Variants in DAO observed in about 807,000 individuals in gnomAD.
The protein encoded by DAO is D-amino-acid oxidase.
A neutral mutation model predicts 50.1 loss-of-function variants in DAO; 51 were observed. The ratio of observed to expected loss-of-function variants is 1.02; its 90% confidence interval spans 0.81 to 1.29. The LOEUF is 1.29. DAO is among the 50% of genes most tolerant of loss of function. The pLI, the probability that DAO is intolerant of heterozygous loss-of-function variation, is 0.00. For synonymous variants in DAO, 160 were observed against 166.2 expected, an observed-to-expected ratio of 0.96 and a Z score of 0.29; for missense variants, 436 against 439.4, an observed-to-expected ratio of 0.99 and a Z score of 0.07.
At chr12:108,896,772 G>A (rs190961811) in intron 7 of DAO, among the ~76,000 whole-genome samples, 196 of 152,174 alleles carry the variant, frequency 1.3e-3, no homozygotes, top group African/African-American at 4.3e-3. Context: ...GCTTTTCTTC[G>A]GACATGTGGG....
At chr12:108,898,875 T>C in intron 9 of DAO, 79 bp downstream of exon 9, 1 of 893,248 alleles carries the variant, frequency 1.1e-6, no homozygotes, top group Non-Finnish European at 1.9e-6. Flanking sequence ...GACGGGAAGA[T>C]GCCACCGCTG....
At chr12:108,894,104 A>T (rs1375761518) in intron 6 of DAO, among the ~76,000 whole-genome samples, 159 bp from the exon 7 acceptor site, 1 of 152,174 alleles carries the variant, frequency 6.6e-6, no homozygotes, top group Non-Finnish European at 1.5e-5. Context: ...GGCAGTATGA[A>T]AATTTGAAGC....
chr12:108,884,606 G>T (rs1337641026), intron 1 of DAO, among the ~76,000 whole-genome samples: 1 of 152,146 alleles, frequency 6.6e-6, no homozygotes, highest in East Asian at 1.9e-4. Context: ...AAAGTTAACG[G>T]CCAGTAGGTG....
chr12:108,894,589 T>G (rs752336965), intron 7 of DAO, among the ~76,000 whole-genome samples: 24 of 152,314 alleles, frequency 1.6e-4, no homozygotes, highest in South Asian at 6.2e-4. Flanking sequence ...CTTGTACCTA[T>G]GTGGGAGCAG....
rs905242550 is a variant in DAO, at chr12:108,899,700, G to A, written c.912+225G>A. 1.4e-5 allele frequency: 8 copies of A among 587,262 alleles called. No individual in the cohort carries two copies. In the Admixed American group the frequency reaches 1.6e-4, roughly 12 times the overall value. 36.4% of individuals were successfully genotyped at this position (587,262 alleles called of 1,614,324 possible). A position where few individuals can be genotyped will look rare whatever the true frequency, so the allele number is the denominator to read the frequency against. The stretch of plus-strand genomic sequence containing the variant: ...GAGGGGCAGTGGTGATGTTAATGGA[G>A]GTGGTGCTGATGAGATCAATGTTGA... On this transcript the variant is annotated intron_variant, in intron 10 of 10. Coordinates refer to ENST00000228476, the MANE Select transcript of DAO (RefSeq NM_001917.5).
chr12:108,898,371 G>A (rs538146353), intron 8 of DAO: 14 of 392,728 alleles, frequency 3.6e-5, no homozygotes, highest in Admixed American at 1.8e-4. Flanking sequence ...TCTCAATGGC[G>A]ATGTTACTGG....
At chr12:108,890,065 G>A (rs370046755) in intron 4 of DAO, 143 bp from the exon 5 acceptor site, 46 of 738,902 alleles carry the variant, frequency 6.2e-5, no homozygotes, top group East Asian at 5.1e-4. Context: ...TCAAAACCAC[G>A]TCCCCCCTTG....
chr12:108,881,474 A>AACACACACACACACACACAC (rs59694062), intron 1 of DAO, among the ~76,000 whole-genome samples: 9 of 138,592 alleles, frequency 6.5e-5, no homozygotes, highest in African/African-American at 2.2e-4. Context: ...TGTATTTTAA[A>AACACACACACACACACACAC]ACACACACAC....
chr12:108,892,743 C>A (rs150568408), intron 5 of DAO, among the ~76,000 whole-genome samples: 2 of 152,176 alleles, frequency 1.3e-5, no homozygotes, highest in East Asian at 1.9e-4. Flanking sequence ...GCCCTTCCCC[C>A]ACTCCATCTG....
rs1171855567 is a variant in DAO, at chr12:108,893,559, A to G, written c.507+523A>G. 2.6e-5 allele frequency among the ~76,000 whole-genome samples: 4 copies of G among 152,312 alleles called. No individual in the cohort carries two copies. In the East Asian group the frequency reaches 5.8e-4, roughly 22 times the overall value. On this transcript the variant is annotated intron_variant, in intron 6 of 10. Coordinates refer to ENST00000228476, the MANE Select transcript of DAO (RefSeq NM_001917.5). Reference sequence around the variant, plus strand: ...CACAAGGAAGGCGCTCCGTACATGTAGCTACTAGTGCTATGTCATGAAGAC... The same window carrying G: ...CACAAGGAAGGCGCTCCGTACATGTGGCTACTAGTGCTATGTCATGAAGAC...
In DAO at chr12:108,880,194, G is replaced by T. The variant is rs974484257; in HGVS notation, c.-40G>T. 8.8e-6 allele frequency: 4 copies of T among 453,478 alleles called. No individual in the cohort carries two copies. Among genetic ancestry groups the T allele is most frequent in the Non-Finnish European group, 1.3e-5 (3 of 225,176 alleles). The allele number at this position is 453,478 out of a possible 1,614,324, so 28.1% of individuals were successfully genotyped here. A position where few individuals can be genotyped will look rare whatever the true frequency, so the allele number is the denominator to read the frequency against. ...CATCCTGTGTCCCCGCACTGCAGTT[G>T]TCTGGTCTCTCCAGCAGTTTGGTAC... On this transcript the variant is annotated 5_prime_UTR_variant, in exon 1 of 11. Transcript: ENST00000228476.
rs1467401052 is a variant in DAO at position 108,897,011 on chromosome 12, C to T, written c.618C>T (p.Asp206=). ...TTCCTGCCCTGAATCAACAGGTGGA[C>T]GCCCCTTGGATGAAGCACTTCATTC... ...QPGRGQIMKV[D]APWMKHFILT... is the part of the protein sequence containing the mutation. The change falls in exon 8 of 11, where the codon GAC becomes GAT. Residue 206 remains aspartate (D), a synonymous_variant. Transcript: ENST00000228476. The T allele has an allele frequency of 5.0e-6, 8 of 1,613,356 alleles. No homozygotes were observed. Among genetic ancestry groups the T allele is most frequent in the Middle Eastern group, 1.6e-4 (1 of 6,062 alleles).
intron 3 of DAO, among the ~76,000 whole-genome samples, chr12:108,887,972 T>C (rs7967441): frequency 0.4 from 60,312 of 152,124 alleles, 14,657 homozygotes; most frequent in African/African-American, 0.65. Flanking sequence ...ATGTGCCAGG[T>C]CCAGTCCTAA....
At chr12:108,892,144 ATTTC>A (rs2039498046) in intron 5 of DAO, among the ~76,000 whole-genome samples, 1 of 131,724 alleles carries the variant, frequency 7.6e-6, no homozygotes, top group Non-Finnish European at 1.6e-5. Flanking sequence ...TTTCTAGTGT[ATTTC>A]TTTCTTTCTT....
At chr12:108,881,499 ACACACACACACG>A (rs1289403331) in intron 1 of DAO, among the ~76,000 whole-genome samples, 27 of 150,788 alleles carry the variant, frequency 1.8e-4, no homozygotes, top group Non-Finnish European at 3.4e-4. Flanking sequence ...ACACACACAC[ACACACACACACG>A]TTGCTATAAT....
At chr12:108,881,583 A>C (rs1325482843) in intron 1 of DAO, among the ~76,000 whole-genome samples, 1 of 148,416 alleles carries the variant, frequency 6.7e-6, no homozygotes, top group Non-Finnish European at 1.5e-5. Context: ...CTTAGGACTC[A>C]CACTTTTTTC....
chr12:108,885,784 C>T (rs1000716566), intron 2 of DAO, among the ~76,000 whole-genome samples: 14 of 152,054 alleles, frequency 9.2e-5, no homozygotes, highest in African/African-American at 2.2e-4. Context: ...GATTGTGTTT[C>T]ACTCTTGTCG....
intron 7 of DAO, 69 bp downstream of exon 7, chr12:108,894,436 T>C: frequency 1.6e-6 from 2 of 1,243,476 alleles, no homozygotes; most frequent in Non-Finnish European, 2.3e-6. Context: ...ATTTCATCCC[T>C]CAAGATCATG....
chr12:108,893,099 C>T, intron 6 of DAO, 63 bp downstream of exon 6: 1 of 1,493,438 alleles, frequency 6.7e-7, no homozygotes, highest in Non-Finnish European at 9.3e-7. Flanking sequence ...CTGCTTCTTG[C>T]TGCTGAGTCG....
Sources: allele counts gnomAD v4.1 joint callset (sites outside exome capture counted in the v4.1 genomes callset), GRCh38; gene constraint gnomAD v4.1.1; transcripts MANE v1.5; gene names NCBI Gene and HGNC (gene_info 2026-07-23, HGNC 2026-07-21).